Variants in NMNAT2 observed in about 807,000 individuals in gnomAD.
NMNAT2 encodes nicotinamide nucleotide adenylyltransferase 2, also known as nicotinamide/nicotinic acid mononucleotide adenylyltransferase 2.
In NMNAT2, 11 loss-of-function variants were observed where a neutral mutation model predicts 41.6. That is an observed-to-expected ratio of 0.26 (90% CI 0.17 to 0.44). NMNAT2 has a LOEUF of 0.44. Among genes scored for constraint, NMNAT2 ranks in the 20% least tolerant of loss-of-function variants. The pLI, the probability that NMNAT2 is intolerant of heterozygous loss-of-function variation, is 1.00. For missense variants in NMNAT2, 288 were observed against 407.7 expected (o/e 0.71, Z 2.53); for synonymous variants, 148 against 151.2 (o/e 0.98, Z 0.16).
chr1:183,296,817 T>C (rs993970292), intron 1 of NMNAT2, among the ~76,000 whole-genome samples: 14 of 152,070 alleles, frequency 9.2e-5, no homozygotes, highest in African/African-American at 3.1e-4. Flanking sequence ...CCCAGCCCCA[T>C]ATTTGCTTTT....
Position 183,356,442 on chromosome 1 carries a change from C to T in NMNAT2, c.85+61741G>A, listed in dbSNP as rs373118290. Among the ~76,000 whole-genome samples the T allele has an allele frequency of 2.6e-5, 4 of 152,210 alleles. 1 individual carries two copies. Among genetic ancestry groups the T allele is most frequent in the East Asian group, 1.9e-4 (1 of 5,202 alleles). Reference sequence around the variant, plus strand: ...AATACTAGGGAATGACCCAGCGTACCTGGGCACCACCCAGCCAGGTGGGTA... The same window carrying T: ...AATACTAGGGAATGACCCAGCGTACTTGGGCACCACCCAGCCAGGTGGGTA... On this transcript the variant is annotated intron_variant, in intron 1 of 10. Coordinates refer to ENST00000287713, the MANE Select transcript of NMNAT2 (RefSeq NM_015039.4).
At chr1:183,397,839 C>A (rs953722130) in intron 1 of NMNAT2, among the ~76,000 whole-genome samples, 1 of 152,134 alleles carries the variant, frequency 6.6e-6, no homozygotes, top group Non-Finnish European at 1.5e-5. Flanking sequence ...GAAATAAAAT[C>A]CTTTACAGAC....
intron 1 of NMNAT2, among the ~76,000 whole-genome samples, chr1:183,339,314 G>A (rs575506443): frequency 6.6e-6 from 1 of 152,070 alleles, no homozygotes; most frequent in South Asian, 2.1e-4. Context: ...AGCCAGGATG[G>A]TCTCAATCTC....
At chr1:183,288,745 A>C (rs1661458267) in intron 4 of NMNAT2, among the ~76,000 whole-genome samples, 1 of 152,230 alleles carries the variant, frequency 6.6e-6, no homozygotes. Context: ...GTGTGAAGTC[A>C]CTGAGCTTTT....
At chr1:183,352,253 C>T (rs2102352892) in intron 1 of NMNAT2, among the ~76,000 whole-genome samples, 1 of 152,192 alleles carries the variant, frequency 6.6e-6, no homozygotes, top group African/African-American at 2.4e-5. Context: ...ATCCTGAACA[C>T]CTTGACATTG....
At chr1:183,292,761 T>A (rs1335789954) in intron 3 of NMNAT2, 29 bp downstream of exon 3, 1 of 1,607,516 alleles carries the variant, frequency 6.2e-7, no homozygotes, top group Non-Finnish European at 8.5e-7. Context: ...TCCGGGCCAC[T>A]GCCTCTGGCA....
intron 1 of NMNAT2, among the ~76,000 whole-genome samples, chr1:183,347,824 A>G (rs1237099628): frequency 1.3e-5 from 2 of 152,158 alleles, no homozygotes; most frequent in African/African-American, 4.8e-5. Flanking sequence ...GATGGCCCCT[A>G]GTCATCACAC....
intron 1 of NMNAT2, among the ~76,000 whole-genome samples, chr1:183,389,133 G>A (rs113671662): frequency 1.3e-5 from 2 of 152,152 alleles, no homozygotes; most frequent in Non-Finnish European, 2.9e-5. Context: ...CTCCTCGCCT[G>A]CCAGCTGGCC....
Position 183,261,429 on chromosome 1 carries a change from G to A in NMNAT2, c.652-126C>T, listed in dbSNP as rs146008510. On this transcript the variant is annotated intron_variant, in intron 8 of 10. Transcript: ENST00000287713. ...GAGCCCCAAGCTTTAGTCCCAAACC[G>A]GCCTTCTTCTCAGCCCCATCAGCCA... 1.4e-4 allele frequency: 111 copies of A among 797,148 alleles called. 1 individual carries two copies. Among genetic ancestry groups the A allele is most frequent in the African/African-American group, 8.2e-4 (48 of 58,886 alleles). 49.4% of individuals were successfully genotyped at this position (797,148 alleles called of 1,614,324 possible).
chr1:183,363,891 C>A (rs962209204), intron 1 of NMNAT2, among the ~76,000 whole-genome samples: 1 of 152,182 alleles, frequency 6.6e-6, no homozygotes, highest in Admixed American at 6.5e-5. Flanking sequence ...TATTCTTTCT[C>A]TAATGAATGG....
intron 1 of NMNAT2, among the ~76,000 whole-genome samples, chr1:183,358,313 A>C (rs1035892773): frequency 1.3e-5 from 2 of 152,176 alleles, no homozygotes; most frequent in African/African-American, 4.8e-5. Flanking sequence ...AAAATAACTA[A>C]TGGGCTTAAT....
chr1:183,408,412 A>T (rs1649020399), intron 1 of NMNAT2, among the ~76,000 whole-genome samples: 1 of 152,228 alleles, frequency 6.6e-6, no homozygotes, highest in African/African-American at 2.4e-5. Context: ...TTGTTATTTT[A>T]CATTTTTTTT....
chr1:183,317,735 C>A (rs767413865), intron 1 of NMNAT2, among the ~76,000 whole-genome samples: 1 of 152,148 alleles, frequency 6.6e-6, no homozygotes, highest in Non-Finnish European at 1.5e-5. Flanking sequence ...CCTAAGATAA[C>A]CCCAAGGGCT....
intron 1 of NMNAT2, among the ~76,000 whole-genome samples, chr1:183,339,199 G>A (rs976998649): frequency 6.6e-6 from 1 of 152,168 alleles, no homozygotes; most frequent in Admixed American, 6.5e-5. Flanking sequence ...CCGGGTTCAT[G>A]TCATTCTTCT....
chr1:183,273,724 C>CTCTT (rs535000059), intron 8 of NMNAT2, among the ~76,000 whole-genome samples: 13 of 152,000 alleles, frequency 8.6e-5, no homozygotes, highest in African/African-American at 2.2e-4. Context: ...TTCTTTCTTT[C>CTCTT]TCTTTCTTTC....
intron 1 of NMNAT2, among the ~76,000 whole-genome samples, chr1:183,367,122 C>T (rs1194384771): frequency 6.6e-6 from 1 of 152,186 alleles, no homozygotes; most frequent in East Asian, 1.9e-4. Flanking sequence ...TTTCCACATC[C>T]TAGCATGGTG....
intron 8 of NMNAT2, among the ~76,000 whole-genome samples, chr1:183,273,674 A>C (rs1661042041): frequency 6.6e-6 from 1 of 152,098 alleles, no homozygotes; most frequent in East Asian, 1.9e-4. Context: ...GGTGCTAAGT[A>C]ATTTTGTGCT....
At chr1:183,273,108 G>A (rs1327502431) in intron 8 of NMNAT2, among the ~76,000 whole-genome samples, 1 of 152,208 alleles carries the variant, frequency 6.6e-6, no homozygotes, top group Non-Finnish European at 1.5e-5. Flanking sequence ...GTAGCCAGCT[G>A]TTCGAACTGT....
At chr1:183,389,070 A>G (rs963429659) in intron 1 of NMNAT2, among the ~76,000 whole-genome samples, 1 of 152,178 alleles carries the variant, frequency 6.6e-6, no homozygotes, top group Non-Finnish European at 1.5e-5. Context: ...TACGCAGAGC[A>G]CAGCACTTTG....
Sources: gnomAD v4.1 joint callset for allele counts (sites outside exome capture counted in the v4.1 genomes callset) on GRCh38, gnomAD v4.1.1 for gene constraint, MANE v1.5 for transcripts, NCBI Gene and HGNC (gene_info 2026-07-23, HGNC 2026-07-21) for gene names.